The following LINGO2 variants were observed in gnomAD, a reference collection of about 807,000 sequenced individuals.
The protein encoded by LINGO2 is leucine-rich repeat and immunoglobulin-like domain-containing nogo receptor-interacting protein 2.
A neutral mutation model predicts 30.6 loss-of-function variants in LINGO2; 14 were observed. The ratio of observed to expected loss-of-function variants is 0.46; its 90% CI spans 0.30 to 0.72. The LOEUF is 0.72. Ranked by LOEUF, LINGO2 falls within the 30% of genes least tolerant of loss-of-function variation. The pLI is 0.07. For missense variants in LINGO2, 729 were observed against 751.7 expected (o/e 0.97, Z 0.35); for synonymous variants, 317 against 288.5 (o/e 1.10, Z -1.00).
At chr9:28,960,262 G>C in the LINGO2 span, among the ~76,000 whole-genome samples, 2 of 152,060 alleles carry the variant, frequency 1.3e-5, no homozygotes, top group Admixed American at 6.6e-5. Context: ...CATTTTGAAA[G>C]GCCAAGGCAC....
chr9:28,382,540 C>T (rs1312178782), intron 2 of LINGO2, among the ~76,000 whole-genome samples: 1 of 152,130 alleles, frequency 6.6e-6, no homozygotes, highest in Admixed American at 6.6e-5. Flanking sequence ...CTGTGTTGTA[C>T]ATCAGCAGTA....
At chr9:28,775,235 A>G in the LINGO2 span, among the ~76,000 whole-genome samples, 1 of 152,228 alleles carries the variant, frequency 6.6e-6, no homozygotes, top group African/African-American at 2.4e-5. Flanking sequence ...GGTTGTGAAA[A>G]GCCACCCATT....
intron 4 of LINGO2, among the ~76,000 whole-genome samples, chr9:28,232,204 G>T (rs112980743): frequency 1.3e-4 from 20 of 152,108 alleles, no homozygotes; most frequent in African/African-American, 4.6e-4. Context: ...TTCGAGACCA[G>T]TCTGGCCATC....
chr9:29,069,412 G>T, the LINGO2 span, among the ~76,000 whole-genome samples: 1 of 151,570 alleles, frequency 6.6e-6, no homozygotes, highest in African/African-American at 2.4e-5. Flanking sequence ...TTATTAAAGG[G>T]ATATCAATTA....
chr9:28,495,391 G>A (rs1036828775), intron 1 of LINGO2, among the ~76,000 whole-genome samples: 7 of 152,218 alleles, frequency 4.6e-5, no homozygotes, highest in South Asian at 2.1e-4. Flanking sequence ...ATTAACTTTC[G>A]TATAAGGTAT....
chr9:28,950,016 T>G, the LINGO2 span, among the ~76,000 whole-genome samples: 1 of 149,498 alleles, frequency 6.7e-6, no homozygotes, highest in African/African-American at 2.5e-5. Flanking sequence ...TAAAACTGAA[T>G]CCAGCAGCAC....
chr9:29,196,937 T>G, the LINGO2 span, among the ~76,000 whole-genome samples: 2 of 152,066 alleles, frequency 1.3e-5, no homozygotes, highest in African/African-American at 2.4e-5. Context: ...TTCTTCTCAC[T>G]ACCAAGATAT....
At chr9:27,990,461 T>TTCCC (rs1554650603) in intron 5 of LINGO2, among the ~76,000 whole-genome samples, 1 of 33,464 alleles carries the variant, frequency 3.0e-5, no homozygotes, top group Non-Finnish European at 8.7e-5. Flanking sequence ...GTGGTCTCAA[T>TTCCC]ACCCCCCCCC....
intron 4 of LINGO2, among the ~76,000 whole-genome samples, chr9:28,269,590 C>T (rs558876026): frequency 6.6e-6 from 1 of 152,030 alleles, no homozygotes; most frequent in Admixed American, 6.6e-5. Flanking sequence ...TATACTATGA[C>T]CTTAAGTTTC....
At chr9:28,918,652 A>G in the LINGO2 span, among the ~76,000 whole-genome samples, 2 of 152,210 alleles carry the variant, frequency 1.3e-5, no homozygotes, top group Non-Finnish European at 2.9e-5. Flanking sequence ...ATGTATTAAA[A>G]TGGAAACATC....
the LINGO2 span, among the ~76,000 whole-genome samples, chr9:29,008,977 T>A: frequency 6.6e-6 from 1 of 152,112 alleles, no homozygotes; most frequent in Non-Finnish European, 1.5e-5. Context: ...TCAAAAAAAT[T>A]CAACAGCGCT....
At chr9:28,041,807 T>G (rs979386187) in intron 4 of LINGO2, among the ~76,000 whole-genome samples, 1 of 152,184 alleles carries the variant, frequency 6.6e-6, no homozygotes, top group Non-Finnish European at 1.5e-5. Flanking sequence ...AACATACAAA[T>G]TTATAGTTAT....
At chr9:29,042,097 T>C in the LINGO2 span, among the ~76,000 whole-genome samples, 110 of 151,976 alleles carry the variant, frequency 7.2e-4, no homozygotes, top group Non-Finnish European at 1.3e-3. Flanking sequence ...CAATGAAATA[T>C]TGCTATATAT....
At chr9:29,019,358 CTTGTT>C in the LINGO2 span, among the ~76,000 whole-genome samples, 18 of 152,090 alleles carry the variant, frequency 1.2e-4, no homozygotes, top group African/African-American at 3.9e-4. Flanking sequence ...AGCAAACACT[CTTGTT>C]TTATTTTTAG....
intron 3 of LINGO2, among the ~76,000 whole-genome samples, chr9:28,321,985 A>G (rs2134303855): frequency 6.6e-6 from 1 of 152,338 alleles, no homozygotes; most frequent in South Asian, 2.1e-4. Context: ...TCCATTTTGT[A>G]AATACAATAA....
At chr9:28,552,548 T>C (rs1201897237) in intron 1 of LINGO2, among the ~76,000 whole-genome samples, 1 of 152,028 alleles carries the variant, frequency 6.6e-6, no homozygotes, top group Non-Finnish European at 1.5e-5. Context: ...TGTCTTAAGA[T>C]GGATCTATTG....
At chr9:28,639,985 T>C (rs1436996904) in intron 1 of LINGO2, among the ~76,000 whole-genome samples, 2 of 152,172 alleles carry the variant, frequency 1.3e-5, no homozygotes, top group Non-Finnish European at 2.9e-5. Context: ...TGTTTAGTGC[T>C]TCCTTCAGGA....
rs73644053 is a variant in LINGO2 at position 28,523,643 on chromosome 9, G to T, written c.-364-47618C>A. ...AATTGCATATACACACATTAGCAAT[G>T]AACACTCAAAAATAAAATTAAGAAA... is the stretch of plus-strand genomic sequence containing the variant. On this transcript the variant is annotated intron_variant, in intron 1 of 5. Transcript: ENST00000379992. Among the ~76,000 whole-genome samples the T allele has an allele frequency of 3.9e-3, 588 of 152,070 alleles. 5 individuals carry two copies. The highest frequency in any genetic ancestry group is 0.014 in the African/African-American group (571 of 41,496).
the LINGO2 span, among the ~76,000 whole-genome samples, chr9:28,716,335 T>C: frequency 6.6e-6 from 1 of 151,840 alleles, no homozygotes; most frequent in Admixed American, 6.6e-5. Context: ...GGATGGAGTA[T>C]GTGAAAGAAA....
Sources: gnomAD v4.1 joint callset for allele counts (sites outside exome capture counted in the v4.1 genomes callset) on GRCh38, gnomAD v4.1.1 for gene constraint, MANE v1.5 for transcripts, NCBI Gene and HGNC (gene_info 2026-07-23, HGNC 2026-07-21) for gene names.